The following ABCA13 variants were observed in gnomAD, a reference collection of about 807,000 sequenced individuals.
ABCA13 encodes ATP-binding cassette sub-family A member 13.
In ABCA13, 476 loss-of-function variants were observed where a neutral mutation model predicts 478.7. That is an observed-to-expected ratio of 0.99 (90% confidence interval 0.92 to 1.07). The LOEUF (loss-of-function observed/expected upper bound fraction) is 1.07, where lower values mean the gene tolerates loss of function less well. ABCA13 is among the 50% of genes least tolerant of loss of function. The pLI is 0.00. For missense variants in ABCA13, 6,060 were observed against 5,910.6 expected, an observed-to-expected ratio of 1.03 and a Z score of -0.83; for synonymous variants, 2,252 against 2,158.9, an observed-to-expected ratio of 1.04 and a Z score of -1.20.
At chr7:48,454,730 G>C (rs1216562431) in intron 42 of ABCA13, among the ~76,000 whole-genome samples, 1 of 152,166 alleles carries the variant, frequency 6.6e-6, no homozygotes, top group African/African-American at 2.4e-5. Flanking sequence ...TGGTGGGAGA[G>C]AGGAGGAGGA....
At position 48,645,611 on chromosome 7, in the gene ABCA13, C is replaced by T. The variant is rs1795394937; in HGVS notation, c.*99C>T. 3 of 945,024 alleles carry T rather than the reference C, an allele frequency of 3.2e-6. No individual in the cohort carries two copies. The highest frequency in any genetic ancestry group is 4.8e-6 in the Non-Finnish European group (3 of 619,506). 58.5% of individuals were successfully genotyped at this position (945,024 alleles called of 1,614,324 possible). ...CGCGCACAATCAAGGAGCTGGAACA[C>T]ACTCTCCAGGCCGTCAAATTATTCT... On this transcript the variant is annotated 3_prime_UTR_variant, in exon 62 of 62. Coordinates refer to ENST00000435803, the MANE Select transcript of ABCA13 (RefSeq NM_152701.5).
intron 58 of ABCA13, among the ~76,000 whole-genome samples, chr7:48,602,016 G>A (rs905409105): frequency 2.6e-5 from 4 of 152,184 alleles, no homozygotes; most frequent in African/African-American, 9.6e-5. Flanking sequence ...CTGCATAAAT[G>A]TTTTCTTTTG....
At chr7:48,607,159 G>C (rs551645745) in intron 58 of ABCA13, among the ~76,000 whole-genome samples, 1 of 152,180 alleles carries the variant, frequency 6.6e-6, no homozygotes, top group Admixed American at 6.5e-5. Context: ...GGTGGGACCC[G>C]CTGAGCCAGG....
chr7:48,488,899 G>A (rs564327078), intron 47 of ABCA13, among the ~76,000 whole-genome samples: 2 of 151,756 alleles, frequency 1.3e-5, no homozygotes, highest in Non-Finnish European at 2.9e-5. Flanking sequence ...TAATTTGCAG[G>A]TCAAATTTCA....
chr7:48,598,818 G>C (rs1790571592), intron 58 of ABCA13, among the ~76,000 whole-genome samples: 1 of 151,502 alleles, frequency 6.6e-6, no homozygotes, highest in Admixed American at 6.6e-5. Context: ...TAGAATTTTG[G>C]CTCTTATATT....
intron 5 of ABCA13, among the ~76,000 whole-genome samples, chr7:48,222,264 G>T (rs1265582531): frequency 8.6e-5 from 13 of 152,038 alleles, no homozygotes; most frequent in South Asian, 2.1e-4. Context: ...AATAATGAAA[G>T]AACTTAAAAA....
chr7:48,269,664 G>C (rs112023741), intron 16 of ABCA13, among the ~76,000 whole-genome samples: 11 of 152,164 alleles, frequency 7.2e-5, no homozygotes, highest in African/African-American at 2.4e-4. Context: ...GAGCAGTAAC[G>C]CTCAAACTTG....
intron 56 of ABCA13, among the ~76,000 whole-genome samples, chr7:48,584,880 T>G (rs1438776305): frequency 6.6e-6 from 1 of 152,238 alleles, no homozygotes; most frequent in Admixed American, 6.5e-5. Context: ...AACATATAGA[T>G]GACATTAAGT....
chr7:48,374,319 C>T (rs909752601), intron 33 of ABCA13, 28 bp from the exon 34 acceptor site: 1 of 1,592,268 alleles, frequency 6.3e-7, no homozygotes, highest in East Asian at 2.3e-5. Flanking sequence ...CACTAACGTG[C>T]AGTTTTTCTC....
chr7:48,185,214 A>G (rs1796202596), intron 1 of ABCA13, among the ~76,000 whole-genome samples: 2 of 152,174 alleles, frequency 1.3e-5, no homozygotes, highest in Non-Finnish European at 2.9e-5. Flanking sequence ...CACCTTTCTC[A>G]TACATCAAGT....
At chr7:48,318,748 AG>A (rs1412646827) in intron 27 of ABCA13, among the ~76,000 whole-genome samples, 12 of 152,034 alleles carry the variant, frequency 7.9e-5, no homozygotes, top group Non-Finnish European at 1.3e-4. Context: ...TAAGCTTTTT[AG>A]GGTTTTGGAT....
intron 15 of ABCA13, among the ~76,000 whole-genome samples, chr7:48,254,857 G>T (rs1005324902): frequency 6.6e-6 from 1 of 152,050 alleles, no homozygotes; most frequent in Non-Finnish European, 1.5e-5. Context: ...TCCTAGTCTT[G>T]TGAGGCTTTT....
Position 48,308,523 on chromosome 7 carries a change from C to T in ABCA13, c.9322-1424C>T, listed in dbSNP as rs573275990. 2.2e-4 allele frequency among the ~76,000 whole-genome samples: 33 copies of T among 152,094 alleles called. 2 individuals are homozygous for T. The highest frequency in any genetic ancestry group is 3.9e-4 in the East Asian group (2 of 5,184). On this transcript the variant is annotated intron_variant, in intron 23 of 61. Transcript: ENST00000435803. The stretch of plus-strand genomic sequence containing the variant: ...GGGAGTGCAGCAGTTTTGTTTACAC[C>T]GGCACTGCCACAAACACTTGAATAA...
intron 56 of ABCA13, among the ~76,000 whole-genome samples, chr7:48,584,411 TC>T (rs1788978943): frequency 1.3e-5 from 2 of 152,210 alleles, no homozygotes. Context: ...AGGACCACTG[TC>T]GGAGAGGAGT....
At chr7:48,346,760 G>C (rs1291578353) in intron 29 of ABCA13, among the ~76,000 whole-genome samples, 1 of 152,140 alleles carries the variant, frequency 6.6e-6, no homozygotes, top group Non-Finnish European at 1.5e-5. Context: ...TACAGATGAA[G>C]AAAGTGAAAC....
At chr7:48,178,894 A>G (rs1190950518) in intron 1 of ABCA13, among the ~76,000 whole-genome samples, 1 of 150,512 alleles carries the variant, frequency 6.6e-6, no homozygotes, top group Non-Finnish European at 1.5e-5. Context: ...TGCAGAGAAA[A>G]TTACAAGATC....
rs181527357 is a variant in ABCA13, at chr7:48,640,785, T to G, written c.14838-2503T>G. Among the ~76,000 whole-genome samples the G allele has an allele frequency of 1.7e-3, 261 of 152,256 alleles. 3 individuals carry two copies. In the East Asian group the frequency reaches 0.028, roughly 16 times the overall value. On this transcript the variant is annotated intron_variant, in intron 59 of 61. Coordinates refer to ENST00000435803, the MANE Select transcript of ABCA13 (RefSeq NM_152701.5). ...ATTAGATATTTACATCATAATGAAT[T>G]TAATAATCTTCGAAGAGTGTCTAAA...
At chr7:48,341,913 A>ATAT (rs1457678444) in intron 29 of ABCA13, among the ~76,000 whole-genome samples, 3 of 91,992 alleles carry the variant, frequency 3.3e-5, no homozygotes, top group South Asian at 7.9e-4. Context: ...ATATATATAT[A>ATAT]CTCATATATA....
At chr7:48,283,273 C>T (rs1045379110) in intron 19 of ABCA13, among the ~76,000 whole-genome samples, 20 of 152,042 alleles carry the variant, frequency 1.3e-4, no homozygotes, top group East Asian at 9.7e-4. Flanking sequence ...TACTGGGGAG[C>T]GGTATGGAGG....
Sources: gnomAD v4.1 joint callset for allele counts (sites outside exome capture counted in the v4.1 genomes callset) on GRCh38, gnomAD v4.1.1 for gene constraint, MANE v1.5 for transcripts, NCBI Gene and HGNC (gene_info 2026-07-23, HGNC 2026-07-21) for gene names.